Variants in BEND4 observed in about 807,000 individuals in gnomAD.
BEND4 encodes BEN domain containing 4, also known as BEN domain-containing protein 4.
In BEND4, 27 loss-of-function variants were observed where a neutral mutation model predicts 54.7. That is an observed-to-expected ratio of 0.49 (90% CI 0.36 to 0.68). The LOEUF is 0.68. Ranked by LOEUF, BEND4 falls within the 30% of genes least tolerant of loss-of-function variation. The pLI is 0.00. For synonymous variants in BEND4, 327 were observed against 299.5 expected, an observed-to-expected ratio of 1.09 and a Z score of -0.95; for missense variants, 702 against 697.2, an observed-to-expected ratio of 1.01 and a Z score of -0.08.
At chr4:42,118,921 C>A (rs1362995179) in intron 5 of BEND4, among the ~76,000 whole-genome samples, 2 of 152,198 alleles carry the variant, frequency 1.3e-5, no homozygotes, top group Non-Finnish European at 2.9e-5. Flanking sequence ...TGTGCTGGAG[C>A]ACTTGTGCCT....
chr4:42,151,664 G>A lies in BEND4; in HGVS notation c.480C>T (p.Leu160=), dbSNP rs1462308895. ...GTGSDSASLE[L]SAESRMILDA... ...TGTGCGGAGAGTTGGTACCTGCGCT[G>A]AGCTCCAGGCTGGCGCTGTCGCTAC... Residue 160 remains leucine (L), a synonymous_variant, in exon 2 of 6, where the codon CTC becomes CTT. Coordinates refer to ENST00000502486, the MANE Select transcript of BEND4 (RefSeq NM_207406.4). 5.4e-6 allele frequency: 8 copies of A among 1,489,790 alleles called. No individual in the cohort carries two copies. Among genetic ancestry groups the A allele is most frequent in the East Asian group, 2.9e-5 (1 of 34,726 alleles). The allele number at this position is 1,489,790 out of a possible 1,614,324, so 92.3% of individuals were successfully genotyped here.
intron 2 of BEND4, among the ~76,000 whole-genome samples, chr4:42,149,544 A>G (rs1721189330): frequency 6.6e-6 from 1 of 152,158 alleles, no homozygotes. Context: ...AAAAACAACA[A>G]AAGCAACCGT....
At chr4:42,148,603 G>A (rs1721155491) in intron 2 of BEND4, among the ~76,000 whole-genome samples, 1 of 152,202 alleles carries the variant, frequency 6.6e-6, no homozygotes, top group Admixed American at 6.5e-5. Context: ...GGCTGCCACA[G>A]ATGTGTAGAT....
At chr4:42,138,121 G>A (rs867170697) in intron 3 of BEND4, among the ~76,000 whole-genome samples, 1 of 152,182 alleles carries the variant, frequency 6.6e-6, no homozygotes, top group Non-Finnish European at 1.5e-5. Context: ...ATCTTGTAAA[G>A]ATGTCTGCAC....
chr4:42,135,359 T>G (rs943159756), intron 3 of BEND4, among the ~76,000 whole-genome samples: 1 of 152,242 alleles, frequency 6.6e-6, no homozygotes, highest in African/African-American at 2.4e-5. Flanking sequence ...TTATGATTTC[T>G]GGAGCACTAG....
chr4:42,150,530 A>G (rs1721229597), intron 2 of BEND4, among the ~76,000 whole-genome samples: 2 of 152,256 alleles, frequency 1.3e-5, no homozygotes, highest in African/African-American at 4.8e-5. Context: ...TATTTTCCAC[A>G]GGAGAAAAAA....
chr4:42,125,992 T>C (rs1190969933), intron 3 of BEND4, among the ~76,000 whole-genome samples: 1 of 152,100 alleles, frequency 6.6e-6, no homozygotes, highest in African/African-American at 2.4e-5. Flanking sequence ...CCTCCTGCTT[T>C]GGCCTCCCAA....
chr4:42,126,916 G>A (rs1720310083), intron 3 of BEND4, among the ~76,000 whole-genome samples: 2 of 152,220 alleles, frequency 1.3e-5, no homozygotes, highest in Admixed American at 6.5e-5. Flanking sequence ...TGGTAGCTTA[G>A]TTAATAACCT....
intron 3 of BEND4, among the ~76,000 whole-genome samples, chr4:42,135,694 G>A (rs1216920089): frequency 6.6e-6 from 1 of 152,138 alleles, no homozygotes; most frequent in Non-Finnish European, 1.5e-5. Flanking sequence ...AGAATGGCAT[G>A]AACCCGGGAG....
chr4:42,132,185 A>C (rs1483774904), intron 3 of BEND4, among the ~76,000 whole-genome samples: 2 of 152,202 alleles, frequency 1.3e-5, no homozygotes, highest in Non-Finnish European at 2.9e-5. Flanking sequence ...CGGTTCTGTT[A>C]ACCTAAGGTT....
chr4:42,111,946 T>C lies in BEND4; in HGVS notation c.*5572A>G, dbSNP rs1351754694. ...AAAAAAAGTTTTCTGGTCTTCATCA[T>C]AGGATCTTACGTAGGTCAAGCCTTA... On this transcript the variant is annotated 3_prime_UTR_variant, in exon 6 of 6. Transcript: ENST00000502486. 2.0e-5 allele frequency: 3 copies of C among 152,234 alleles called. No homozygotes were observed. The highest frequency in any genetic ancestry group is 6.5e-5 in the Admixed American group (1 of 15,280). The allele number at this position is 152,234 out of a possible 1,614,324, so 9.4% of individuals were successfully genotyped here.
chr4:42,130,737 C>A (rs1299891736), intron 3 of BEND4, among the ~76,000 whole-genome samples: 1 of 152,182 alleles, frequency 6.6e-6, no homozygotes, highest in African/African-American at 2.4e-5. Flanking sequence ...GAATATAAAT[C>A]ATTCTATTAC....
intron 4 of BEND4, among the ~76,000 whole-genome samples, chr4:42,123,718 C>CAAAAAA (rs1034323645): frequency 1.3e-5 from 1 of 78,812 alleles, no homozygotes. Context: ...AAAAAAAAAA[C>CAAAAAA]AACTTTCCAG....
At chr4:42,126,143 A>G (rs1156564173) in intron 3 of BEND4, among the ~76,000 whole-genome samples, 2 of 152,258 alleles carry the variant, frequency 1.3e-5, no homozygotes, top group Non-Finnish European at 2.9e-5. Flanking sequence ...GTTTGTAAAT[A>G]CAGAACAGAT....
At chr4:42,118,239 A>G (rs1719922849) in intron 5 of BEND4, among the ~76,000 whole-genome samples, 1 of 152,330 alleles carries the variant, frequency 6.6e-6, no homozygotes, top group South Asian at 2.1e-4. Context: ...AAAGGTACCC[A>G]TGTTCTTAGA....
At chr4:42,120,677 A>G (rs1360521030) in intron 4 of BEND4, among the ~76,000 whole-genome samples, 3 of 152,206 alleles carry the variant, frequency 2.0e-5, no homozygotes, top group South Asian at 4.1e-4. Context: ...GGTCTCTTCA[A>G]TTCTTTGGTT....
Position 42,151,629 on chromosome 4 carries a change from G to C in BEND4, c.487+28C>G, listed in dbSNP as rs1454627042. On this transcript the variant is annotated intron_variant, in intron 2 of 5. Transcript: ENST00000502486. ...CTCCCGCTGCCCCCGGCCGTGGCGGGAAGGAAAGTTGTGCGGAGAGTTGGT... is the reference window on the plus strand; with the variant it reads ...CTCCCGCTGCCCCCGGCCGTGGCGGCAAGGAAAGTTGTGCGGAGAGTTGGT... 8 of 1,436,478 alleles carry C rather than the reference G, an allele frequency of 5.6e-6. No individual in the cohort carries two copies. The East Asian group carries it at 1.2e-4, about 22-fold the overall frequency. 89.0% of individuals were successfully genotyped at this position (1,436,478 alleles called of 1,614,324 possible). A position where few individuals can be genotyped will look rare whatever the true frequency, so the allele number is the denominator to read the frequency against.
At chr4:42,138,925 G>GAAC (rs889473909) in intron 3 of BEND4, among the ~76,000 whole-genome samples, 4 of 152,050 alleles carry the variant, frequency 2.6e-5, no homozygotes, top group African/African-American at 9.7e-5. Flanking sequence ...CTTCTTAGTG[G>GAAC]AACATAAAGA....
At chr4:42,119,580 C>T (rs1229755831) in intron 5 of BEND4, among the ~76,000 whole-genome samples, 1 of 151,874 alleles carries the variant, frequency 6.6e-6, no homozygotes, top group Non-Finnish European at 1.5e-5. Flanking sequence ...AAATGTTCTA[C>T]TGGGCAAGGT....
Sources: gnomAD v4.1 joint callset for allele counts (sites outside exome capture counted in the v4.1 genomes callset) on GRCh38, gnomAD v4.1.1 for gene constraint, MANE v1.5 for transcripts, NCBI Gene and HGNC (gene_info 2026-07-23, HGNC 2026-07-21) for gene names.